RBFOX1: variants seen among roughly 807,000 people sequenced by gnomAD.
RBFOX1 encodes the protein RNA binding protein fox-1 homolog 1.
A neutral mutation model predicts 57.7 loss-of-function variants in RBFOX1; 8 were observed. The observed-to-expected ratio is 0.14, with a 90% CI of 0.08 to 0.25. RBFOX1 has a LOEUF of 0.25. RBFOX1 is among the 10% of genes least tolerant of loss of function. The pLI is 1.00. For synonymous variants in RBFOX1, 326 were observed against 222.4 expected (o/e 1.47, Z -4.15); for missense variants, 611 against 548.5 (o/e 1.11, Z -1.14).
intron 3 of RBFOX1, among the ~76,000 whole-genome samples, chr16:6,812,276 C>T (rs1047184142): frequency 1.3e-5 from 2 of 152,158 alleles, no homozygotes; most frequent in Non-Finnish European, 2.9e-5. Context: ...GAAAGTATCT[C>T]CCTTTAGACC....
chr16:5,867,150 A>ATGTGTGTG lies in RBFOX1; in HGVS notation c.319-136_319-129dup, dbSNP rs113977862. ...TGCTGTGCTTGGTGGAAGAAAATGC[A>ATGTGTGTG]TGTGTGTGTGTGTGTGTGTGTGTGG... is the stretch of plus-strand genomic sequence containing the variant. On this transcript the variant is annotated intron_variant, in intron 3 of 19. Coordinates refer to the RBFOX1 transcript ENST00000641259. Among the ~76,000 whole-genome samples, 257 of 149,316 alleles carry ATGTGTGTG rather than the reference A, an allele frequency of 1.7e-3. 1 individual carries two copies. Among genetic ancestry groups the ATGTGTGTG allele is most frequent in the Middle Eastern group, 6.9e-3 (2 of 290 alleles).
intron 4 of RBFOX1, among the ~76,000 whole-genome samples, chr16:7,076,166 C>T (rs777431713): frequency 2.6e-4 from 40 of 151,550 alleles, no homozygotes; most frequent in African/African-American, 9.7e-4. Flanking sequence ...CTCAGCCTCT[C>T]GAGTACCTAG....
chr16:6,111,554 G>T (rs142689776), intron 1 of RBFOX1, among the ~76,000 whole-genome samples: 23 of 152,264 alleles, frequency 1.5e-4, no homozygotes, highest in African/African-American at 5.5e-4. Context: ...TGTCCCATTG[G>T]AGTTACAGAG....
intron 3 of RBFOX1, among the ~76,000 whole-genome samples, chr16:6,889,921 A>T (rs1470143941): frequency 6.6e-6 from 1 of 152,192 alleles, no homozygotes; most frequent in African/African-American, 2.4e-5. Flanking sequence ...TCAAAACAAA[A>T]TTTCTCATAG....
At chr16:6,369,262 T>C (rs1012641284) in intron 2 of RBFOX1, among the ~76,000 whole-genome samples, 2 of 152,204 alleles carry the variant, frequency 1.3e-5, no homozygotes, top group East Asian at 1.9e-4. Context: ...AAAATTGATA[T>C]GCTCACTTCA....
intron 4 of RBFOX1, among the ~76,000 whole-genome samples, chr16:7,424,377 A>T (rs2098585366): frequency 2.0e-5 from 3 of 152,124 alleles, no homozygotes; most frequent in African/African-American, 7.2e-5. Context: ...CTCCTGCCTC[A>T]GCCTCCCGAG....
At chr16:7,216,902 C>T (rs1330522850) in intron 4 of RBFOX1, among the ~76,000 whole-genome samples, 1 of 152,028 alleles carries the variant, frequency 6.6e-6, no homozygotes, top group Admixed American at 6.6e-5. Context: ...TCATTACTTT[C>T]CCATTTTATA....
intron 4 of RBFOX1, among the ~76,000 whole-genome samples, chr16:5,868,677 A>C (rs376653411): frequency 6.6e-6 from 1 of 152,138 alleles, no homozygotes; most frequent in African/African-American, 2.4e-5. Context: ...TGAGGCAGGG[A>C]TTTGGGAAGC....
chr16:6,193,360 A>ATATATATATATACACATTATATATATAC (rs1567650420), intron 1 of RBFOX1, among the ~76,000 whole-genome samples: 1 of 66,544 alleles, frequency 1.5e-5, no homozygotes, highest in Admixed American at 2.3e-4. Flanking sequence ...TATACATTAT[A>ATATATATATATACACATTATATATATAC]TATATATATA....
chr16:6,233,888 C>G (rs894397611), intron 1 of RBFOX1, among the ~76,000 whole-genome samples: 1 of 152,108 alleles, frequency 6.6e-6, no homozygotes, highest in Non-Finnish European at 1.5e-5. Flanking sequence ...ATTTTGTGCT[C>G]CCATAATAGA....
intron 3 of RBFOX1, among the ~76,000 whole-genome samples, chr16:6,869,240 G>T (rs1288194747): frequency 2.6e-5 from 4 of 152,090 alleles, no homozygotes; most frequent in Non-Finnish European, 5.9e-5. Flanking sequence ...CCACCTATAT[G>T]TGCAAAGTGC....
chr16:7,118,142 G>T (rs1051109905), intron 4 of RBFOX1, among the ~76,000 whole-genome samples: 2 of 152,074 alleles, frequency 1.3e-5, no homozygotes, highest in African/African-American at 4.8e-5. Context: ...TTAGCTCTTT[G>T]AGAAATCTGC....
intron 3 of RBFOX1, among the ~76,000 whole-genome samples, chr16:6,793,548 C>T (rs1263895116): frequency 1.8e-4 from 27 of 152,068 alleles, no homozygotes; most frequent in Non-Finnish European, 1.5e-5. Context: ...TATTGACCTG[C>T]CTACATTTCA....
At chr16:7,588,609 T>C (rs1465997314) in intron 7 of RBFOX1, among the ~76,000 whole-genome samples, 2 of 152,166 alleles carry the variant, frequency 1.3e-5, no homozygotes, top group African/African-American at 4.8e-5. Context: ...TGTTGAGAGA[T>C]AGTGATTTCA....
chr16:5,500,808 G>A (rs771886329), intron 2 of RBFOX1, among the ~76,000 whole-genome samples: 1 of 152,174 alleles, frequency 6.6e-6, no homozygotes, highest in African/African-American at 2.4e-5. Flanking sequence ...AGGCTAACTG[G>A]TCTCCCAGCT....
intron 2 of RBFOX1, among the ~76,000 whole-genome samples, chr16:5,544,084 G>A (rs1039208217): frequency 2.0e-5 from 3 of 152,122 alleles, no homozygotes; most frequent in African/African-American, 7.2e-5. Context: ...GAAGCTTACA[G>A]AGCCCACCAC....
At chr16:7,204,022 C>T (rs565116247) in intron 4 of RBFOX1, among the ~76,000 whole-genome samples, 1 of 152,236 alleles carries the variant, frequency 6.6e-6, no homozygotes. Flanking sequence ...CAATCTTTAA[C>T]TAACATTTCG....
At chr16:6,537,192 G>A (rs1173335130) in intron 2 of RBFOX1, among the ~76,000 whole-genome samples, 1 of 152,086 alleles carries the variant, frequency 6.6e-6, no homozygotes, top group Non-Finnish European at 1.5e-5. Flanking sequence ...GTAGGTCTGG[G>A]TGGAGCCTGA....
At chr16:7,489,842 A>G (rs1482438350) in intron 4 of RBFOX1, among the ~76,000 whole-genome samples, 7 of 151,990 alleles carry the variant, frequency 4.6e-5, no homozygotes, top group Non-Finnish European at 1.5e-5. Flanking sequence ...ATTATCTTTA[A>G]TCCACACTTT....
Sources: gnomAD v4.1 joint callset for allele counts (sites outside exome capture counted in the v4.1 genomes callset) on GRCh38, gnomAD v4.1.1 for gene constraint, MANE v1.5 for transcripts, NCBI Gene and HGNC (gene_info 2026-07-23, HGNC 2026-07-21) for gene names.